MORC2: variants seen among roughly 807,000 people sequenced by gnomAD.
The protein encoded by MORC2 is MORC family CW-type zinc finger 2, also known as ATPase MORC2.
Under a neutral mutation model 136.0 loss-of-function variants are expected in MORC2, and 30 were observed. That is an observed-to-expected ratio of 0.22 (90% CI 0.17 to 0.30). The LOEUF is 0.30. Among genes scored for constraint, MORC2 ranks in the 10% least tolerant of loss-of-function variants. The pLI is 1.00. For missense variants in MORC2, 922 were observed against 1,333.1 expected (o/e 0.69, Z 4.80); for synonymous variants, 439 against 487.0 (o/e 0.90, Z 1.30).
intron 24 of MORC2, among the ~76,000 whole-genome samples, chr22:30,928,478 G>A (rs545617451): frequency 7.9e-5 from 12 of 152,228 alleles, no homozygotes; most frequent in Non-Finnish European, 7.3e-5. Context: ...GTGAGGACGC[G>A]TGAGGGGCGA....
intron 3 of MORC2, among the ~76,000 whole-genome samples, chr22:30,956,006 CA>C (rs576674402): frequency 0.034 from 1,774 of 51,554 alleles, 12 homozygotes; most frequent in African/African-American, 0.07. Flanking sequence ...GACTCCATCT[CA>C]AAAAAAAAAA....
At chr22:30,944,911 T>A (rs147370865) in intron 6 of MORC2, among the ~76,000 whole-genome samples, 130 of 152,286 alleles carry the variant, frequency 8.5e-4, no homozygotes, top group African/African-American at 3.0e-3. Context: ...TCCAACCCAA[T>A]CACCACACAA....
rs1181048709 is a variant in MORC2 at position 30,967,847 on chromosome 22, T to A, written c.43A>T (p.Thr15Ser). ...GAATTTGTGTGCAGATATTCAAAGG[T>A]TAGCTGAGCTCGATTCAGACTGCTG... ...NYSSLNRAQL[T>S]FEYLHTNSTT... Residue 15 changes from threonine to serine, a missense_variant, in exon 1 of 26, where the codon ACC becomes TCC. Transcript: ENST00000397641. The A allele has an allele frequency of 6.4e-7, 1 of 1,551,076 alleles. No individual in the cohort carries two copies.
At chr22:30,958,178 G>A (rs1477977506) in intron 2 of MORC2, among the ~76,000 whole-genome samples, 1 of 152,166 alleles carries the variant, frequency 6.6e-6, no homozygotes, top group African/African-American at 2.4e-5. Flanking sequence ...TGCTAACAAT[G>A]AAAGACACTG....
At chr22:30,933,684 A>G (rs1234880847) in intron 20 of MORC2, among the ~76,000 whole-genome samples, 164 bp from the exon 21 acceptor site, 1 of 152,138 alleles carries the variant, frequency 6.6e-6, no homozygotes, top group Non-Finnish European at 1.5e-5. Context: ...TCACTGTCCA[A>G]GGTACCTACC....
chr22:30,926,550 C>CAAAAAAAAAAAA lies in MORC2; in HGVS notation c.*241_*252dup, dbSNP rs60514280. ...AAGGTTCTCTGTCCTTTGCAGTCAC[C>CAAAAAAAAAAAA]AAAAAAAAAAAAAAAAAAAAAAAAA... On this transcript the variant is annotated 3_prime_UTR_variant, in exon 26 of 26. Coordinates refer to ENST00000397641, the MANE Select transcript of MORC2 (RefSeq NM_001303256.3). 8.5e-4 allele frequency: 22 copies of CAAAAAAAAAAAA among 25,742 alleles called. 9 individuals are homozygous for CAAAAAAAAAAAA. Among genetic ancestry groups the CAAAAAAAAAAAA allele is most frequent in the Non-Finnish European group, 1.2e-3 (18 of 14,430 alleles). The allele number at this position is 25,742 out of a possible 1,614,324, so 1.6% of individuals were successfully genotyped here.
chr22:30,954,694 G>T (rs1417988238), intron 3 of MORC2, among the ~76,000 whole-genome samples: 1 of 152,172 alleles, frequency 6.6e-6, no homozygotes, highest in East Asian at 1.9e-4. Context: ...AAACTTCCTT[G>T]CTGAAATTTA....
At chr22:30,951,391 C>T (rs929571966) in intron 3 of MORC2, among the ~76,000 whole-genome samples, 1 of 152,094 alleles carries the variant, frequency 6.6e-6, no homozygotes, top group African/African-American at 2.4e-5. Flanking sequence ...GCCTTTTGAC[C>T]CAATGATGAG....
In MORC2 at chr22:30,925,565, A is replaced by C. The variant is rs2040471220; in HGVS notation, c.*1238T>G. 1 of 154,304 alleles carries C rather than the reference A, an allele frequency of 6.5e-6. No homozygotes were observed. Among genetic ancestry groups the C allele is most frequent in the Non-Finnish European group, 1.5e-5 (1 of 68,526 alleles). The allele number at this position is 154,304 out of a possible 1,614,324, so 9.6% of individuals were successfully genotyped here. A position where few individuals can be genotyped will look rare whatever the true frequency, so the allele number is the denominator to read the frequency against. ...TGGCCATTGCTGATCTGGGTTAGGG[A>C]GATGCCAGAAACACACCCAGGTTTG... On this transcript the variant is annotated 3_prime_UTR_variant, in exon 26 of 26. Transcript: ENST00000397641.
chr22:30,928,589 C>T (rs992969874), intron 24 of MORC2, among the ~76,000 whole-genome samples: 9 of 152,216 alleles, frequency 5.9e-5, no homozygotes, highest in Admixed American at 3.9e-4. Flanking sequence ...CCACCCACTT[C>T]CAAGACATAC....
chr22:30,946,273 T>G (rs2040813784), intron 6 of MORC2, 68 bp downstream of exon 6: 1 of 1,308,008 alleles, frequency 7.6e-7, no homozygotes, highest in Admixed American at 1.9e-5. Context: ...GCAAATAACC[T>G]ACGAAAACCG....
In MORC2 at chr22:30,935,148, C is replaced by G. The variant is rs757458854; in HGVS notation, c.1826G>C (p.Arg609Thr). Residue 609 changes from arginine (R) to threonine (T), a missense_variant, in exon 19 of 26, where the codon AGA (arginine) becomes ACA (threonine). Coordinates refer to ENST00000397641, the MANE Select transcript of MORC2 (RefSeq NM_001303256.3). ...TRPSTEEPVR[R>T]PQRPRSPPLP... is the part of the protein sequence containing the mutation. ...AGGGGGCGACCGAGGACGCTGAGGTCTACGCACAGGTTCCTAAAAAAAGGC... is the reference window on the plus strand; with the variant it reads ...AGGGGGCGACCGAGGACGCTGAGGTGTACGCACAGGTTCCTAAAAAAAGGC... 6.2e-7 allele frequency: 1 copy of G among 1,612,684 alleles called. No homozygotes were observed. Among genetic ancestry groups the G allele is most frequent in the South Asian group, 1.1e-5 (1 of 90,978 alleles).
intron 1 of MORC2, among the ~76,000 whole-genome samples, chr22:30,964,550 C>T (rs2041096493): frequency 6.6e-6 from 1 of 152,178 alleles, no homozygotes; most frequent in Non-Finnish European, 1.5e-5. Context: ...ATCACTACCA[C>T]CACTACATCT....
At chr22:30,946,086 T>A (rs2040811398) in intron 6 of MORC2, among the ~76,000 whole-genome samples, 1 of 152,214 alleles carries the variant, frequency 6.6e-6, no homozygotes, top group African/African-American at 2.4e-5. Flanking sequence ...TCTTAATTCC[T>A]GCCACTTGAC....
intron 1 of MORC2, among the ~76,000 whole-genome samples, chr22:30,960,461 T>C (rs1204523321): frequency 6.6e-6 from 1 of 152,138 alleles, no homozygotes; most frequent in Non-Finnish European, 1.5e-5. Flanking sequence ...TAATTAATTA[T>C]ACTACAGGGA....
At position 30,927,961 on chromosome 22, in the gene MORC2, G is replaced by GC. The variant is rs1196747796; in HGVS notation, c.3030+57dup. 2.5e-5 allele frequency: 40 copies of GC among 1,592,536 alleles called. No homozygotes were observed. In the East Asian group the frequency reaches 7.6e-4, roughly 30 times the overall value. ...TTGTGAGAACAGGAACAGGGCCCAG[G>GC]CCCCCCTCCCTGAGAGACCAGGTGG... On this transcript the variant is annotated intron_variant, in intron 25 of 25. Transcript: ENST00000397641.
At chr22:30,939,880 T>C in intron 11 of MORC2, 79 bp downstream of exon 11, 1 of 1,483,216 alleles carries the variant, frequency 6.7e-7, no homozygotes, top group Non-Finnish European at 9.2e-7. Context: ...AAAGCTGTGT[T>C]TTACTTGACC....
chr22:30,962,144 G>A (rs920714991), intron 1 of MORC2, among the ~76,000 whole-genome samples: 1 of 151,546 alleles, frequency 6.6e-6, no homozygotes, highest in Non-Finnish European at 1.5e-5. Flanking sequence ...GTTGCATGCA[G>A]TGAGCCGACA....
rs1039649579 is a variant in MORC2 at position 30,926,659 on chromosome 22, C to T, written c.*144G>A. 1.0e-5 allele frequency: 3 copies of T among 297,370 alleles called. No homozygotes were observed. Among genetic ancestry groups the T allele is most frequent in the Non-Finnish European group, 1.9e-5 (3 of 161,670 alleles). The allele number at this position is 297,370 out of a possible 1,614,324, so 18.4% of individuals were successfully genotyped here. ...TAAACTTAAGGAAGATTCAAAGAAT[C>T]AGGGTATCTTTTCCTCCAAAAACAC... is the stretch of plus-strand genomic sequence containing the variant. On this transcript the variant is annotated 3_prime_UTR_variant, in exon 26 of 26. Transcript: ENST00000397641.
Sources: gnomAD v4.1 joint callset for allele counts (sites outside exome capture counted in the v4.1 genomes callset) on GRCh38, gnomAD v4.1.1 for gene constraint, MANE v1.5 for transcripts, NCBI Gene and HGNC (gene_info 2026-07-23, HGNC 2026-07-21) for gene names.